The following PCCA variants were observed in gnomAD, a reference collection of about 807,000 sequenced individuals.
PCCA encodes the protein propionyl-CoA carboxylase subunit alpha.
A neutral mutation model predicts 101.3 loss-of-function variants in PCCA; 74 were observed. The ratio of observed to expected loss-of-function variants is 0.73; its 90% CI spans 0.61 to 0.89. The LOEUF is 0.89. Ranked by LOEUF, PCCA falls within the 40% of genes least tolerant of loss-of-function variation. The pLI, the probability that PCCA is intolerant of heterozygous loss-of-function variation, is 0.00. For missense variants in PCCA, 891 were observed against 907.0 expected (o/e 0.98, Z 0.23); for synonymous variants, 294 against 313.6 (o/e 0.94, Z 0.66).
chr13:100,171,976 G>A (rs1175692285), intron 6 of PCCA, among the ~76,000 whole-genome samples: 2 of 150,690 alleles, frequency 1.3e-5, no homozygotes, highest in East Asian at 3.9e-4. Context: ...AGCTTGCAGT[G>A]AGCGGAGTTC....
At chr13:100,114,981 T>C (rs1234390485) in intron 4 of PCCA, among the ~76,000 whole-genome samples, 1 of 152,212 alleles carries the variant, frequency 6.6e-6, no homozygotes, top group Non-Finnish European at 1.5e-5. Context: ...TGCACTCCCA[T>C]GTTTATTGTA....
At position 100,089,233 on chromosome 13, in the gene PCCA, G is replaced by A. The variant is rs2046038208; in HGVS notation, c.105+8G>A. On this transcript the variant is annotated splice_region_variant and intron_variant, in intron 1 of 23. Coordinates refer to ENST00000376285, the MANE Select transcript of PCCA (RefSeq NM_000282.4). Reference sequence around the variant, plus strand: ...GCGCTGCGGACCCTGAAGGTGAGGAGCAACGGGGCCTCGCGGGTCCGGGCT... The same window carrying A: ...GCGCTGCGGACCCTGAAGGTGAGGAACAACGGGGCCTCGCGGGTCCGGGCT... 6 of 1,496,746 alleles carry A rather than the reference G, an allele frequency of 4.0e-6. No homozygotes were observed. Among genetic ancestry groups the A allele is most frequent in the East Asian group, 2.7e-5 (1 of 36,768 alleles). The allele number at this position is 1,496,746 out of a possible 1,614,324, so 92.7% of individuals were successfully genotyped here.
intron 21 of PCCA, among the ~76,000 whole-genome samples, chr13:100,458,432 C>CACACAT (rs1485365567): frequency 2.5e-5 from 2 of 80,904 alleles, no homozygotes; most frequent in East Asian, 8.6e-4. Flanking sequence ...CGCACACACA[C>CACACAT]ACACACATAC....
intron 21 of PCCA, among the ~76,000 whole-genome samples, chr13:100,486,978 C>A (rs975456695): frequency 6.6e-6 from 1 of 152,144 alleles, no homozygotes; most frequent in African/African-American, 2.4e-5. Flanking sequence ...GTAATAGTTG[C>A]CGAACTTGAG....
chr13:100,341,596 G>T (rs910815155), intron 18 of PCCA, among the ~76,000 whole-genome samples: 2 of 152,218 alleles, frequency 1.3e-5, no homozygotes, highest in Non-Finnish European at 2.9e-5. Flanking sequence ...CACAGCAGGT[G>T]TGTTTCCATC....
chr13:100,138,027 A>G (rs1476427123), intron 4 of PCCA, among the ~76,000 whole-genome samples: 4 of 151,926 alleles, frequency 2.6e-5, no homozygotes, highest in Non-Finnish European at 5.9e-5. Flanking sequence ...GGACTCAAGC[A>G]TTCCTCTCAT....
At chr13:100,260,787 T>A (rs1181097082) in intron 9 of PCCA, among the ~76,000 whole-genome samples, 1 of 152,018 alleles carries the variant, frequency 6.6e-6, no homozygotes, top group Admixed American at 6.6e-5. Flanking sequence ...ATCTTAAGTG[T>A]ACCAACCTGG....
chr13:100,308,829 T>C (rs181890702), intron 15 of PCCA, among the ~76,000 whole-genome samples: 1 of 152,178 alleles, frequency 6.6e-6, no homozygotes, highest in Non-Finnish European at 1.5e-5. Context: ...TAAAACCTAC[T>C]AAAATAATCA....
intron 14 of PCCA, among the ~76,000 whole-genome samples, chr13:100,303,871 GA>G (rs1268690910): frequency 1.3e-5 from 2 of 151,666 alleles, no homozygotes; most frequent in African/African-American, 4.8e-5. Flanking sequence ...CCAGAAGGCA[GA>G]AAAAAAATTG....
At chr13:100,105,315 A>T (rs983407298) in intron 2 of PCCA, among the ~76,000 whole-genome samples, 1 of 152,180 alleles carries the variant, frequency 6.6e-6, no homozygotes, top group Non-Finnish European at 1.5e-5. Context: ...AGTTTAATTT[A>T]AAATCTTCAT....
chr13:100,427,231 AAAAC>A (rs562800081), intron 20 of PCCA, among the ~76,000 whole-genome samples: 66 of 152,328 alleles, frequency 4.3e-4, no homozygotes, highest in South Asian at 1.7e-3. Context: ...ACAAACAAAC[AAAAC>A]AAACAAACAA....
At chr13:100,391,472 T>G (rs1006114423) in intron 19 of PCCA, among the ~76,000 whole-genome samples, 1 of 152,098 alleles carries the variant, frequency 6.6e-6, no homozygotes. Flanking sequence ...ACAGAAGGGC[T>G]AGGCTAACCA....
At chr13:100,489,428 T>A (rs2084712605) in intron 21 of PCCA, among the ~76,000 whole-genome samples, 1 of 152,244 alleles carries the variant, frequency 6.6e-6, no homozygotes, top group Non-Finnish European at 1.5e-5. Flanking sequence ...TAAGAAAAGA[T>A]TGACCATCTA....
chr13:100,132,345 T>C (rs184212590), intron 4 of PCCA, among the ~76,000 whole-genome samples: 34 of 152,362 alleles, frequency 2.2e-4, no homozygotes, highest in African/African-American at 7.9e-4. Context: ...TCACATCCTT[T>C]TCCACCCTGA....
At chr13:100,390,021 C>T (rs1024243283) in intron 19 of PCCA, among the ~76,000 whole-genome samples, 7 of 152,200 alleles carry the variant, frequency 4.6e-5, no homozygotes, top group African/African-American at 9.6e-5. Flanking sequence ...TGCAGGTGGG[C>T]GCTGTGAGCC....
intron 6 of PCCA, among the ~76,000 whole-genome samples, chr13:100,193,572 G>C (rs575850192): frequency 6.6e-6 from 1 of 152,226 alleles, no homozygotes; most frequent in South Asian, 2.1e-4. Context: ...GTTTTTGTTA[G>C]TATCATTATA....
rs1292622039 is a variant in PCCA at position 100,404,687 on chromosome 13, G to C, written c.1747-20946G>C. 2.6e-5 allele frequency among the ~76,000 whole-genome samples: 4 copies of C among 152,222 alleles called. 1 individual carries two copies. In the East Asian group the frequency reaches 7.7e-4, roughly 29 times the overall value. On this transcript the variant is annotated intron_variant, in intron 19 of 23. Transcript: ENST00000376285. ...CCCTGAATCCCAGCAACCTTGGTAG[G>C]TGCTGCCATGGCTGTCAAATCAACT...
At chr13:100,458,244 T>C (rs974601276) in intron 21 of PCCA, among the ~76,000 whole-genome samples, 2 of 150,348 alleles carry the variant, frequency 1.3e-5, no homozygotes, top group Non-Finnish European at 3.0e-5. Flanking sequence ...GGAGGATTGC[T>C]TGAGCCCAGG....
chr13:100,343,149 A>G (rs1220736056), intron 18 of PCCA, among the ~76,000 whole-genome samples: 1 of 152,130 alleles, frequency 6.6e-6, no homozygotes, highest in Non-Finnish European at 1.5e-5. Flanking sequence ...TGAGCCAAGA[A>G]TGCGCCACTG....
Sources: allele counts gnomAD v4.1 joint callset (sites outside exome capture counted in the v4.1 genomes callset), GRCh38; gene constraint gnomAD v4.1.1; transcripts MANE v1.5; gene names NCBI Gene and HGNC (gene_info 2026-07-23, HGNC 2026-07-21).